The following JMJD1C variants were observed in gnomAD, a reference collection of about 807,000 sequenced individuals.
JMJD1C encodes jumonji domain-containing protein 1C.
In JMJD1C, 31 loss-of-function variants were observed where a neutral mutation model predicts 245.3. The ratio of observed to expected loss-of-function variants is 0.13; its 90% CI spans 0.09 to 0.17. The LOEUF is 0.17. Ranked by LOEUF, JMJD1C falls within the 10% of genes least tolerant of loss-of-function variation. The pLI is 1.00. For missense variants in JMJD1C, 2,691 were observed against 3,000.2 expected, an observed-to-expected ratio of 0.90 and a Z score of 2.41; for synonymous variants, 1,057 against 1,017.4, an observed-to-expected ratio of 1.04 and a Z score of -0.74.
intron 1 of JMJD1C, among the ~76,000 whole-genome samples, chr10:63,443,666 T>G (rs1037732505): frequency 6.6e-6 from 1 of 152,174 alleles, no homozygotes; most frequent in Non-Finnish European, 1.5e-5. Context: ...TTATAGAGGT[T>G]TGGTTACATA....
chr10:63,507,644 C>CCAAAAAAAAAA (rs1954759872), intron 1 of JMJD1C, among the ~76,000 whole-genome samples: 1 of 58,754 alleles, frequency 1.7e-5, no homozygotes, highest in African/African-American at 9.7e-5. Context: ...GACTCTGTCT[C>CCAAAAAAAAAA]AAAAAAAAAA....
intron 1 of JMJD1C, among the ~76,000 whole-genome samples, chr10:63,443,547 A>T (rs924936959): frequency 5.3e-5 from 8 of 152,154 alleles, no homozygotes; most frequent in African/African-American, 1.9e-4. Flanking sequence ...CTGAGCTCAA[A>T]GGCACCCACC....
intron 24 of JMJD1C, among the ~76,000 whole-genome samples, chr10:63,173,060 G>A (rs966535558): frequency 6.6e-6 from 1 of 151,888 alleles, no homozygotes; most frequent in Non-Finnish European, 1.5e-5. Flanking sequence ...AACAATGATT[G>A]CATCTGGAAA....
intron 1 of JMJD1C, chr10:63,521,447 C>A: frequency 1.5e-6 from 1 of 655,394 alleles, no homozygotes; most frequent in Non-Finnish European, 2.1e-6. Flanking sequence ...CCCCGGGGAG[C>A]GCGAGGAGCC....
rs545134190 is a variant in JMJD1C, at chr10:63,405,670, G to A, written c.169-25188C>T. On this transcript the variant is annotated intron_variant, in intron 1 of 25. Transcript: ENST00000399262. ...ACAGTACTTGACAATATGGATGGGAGACAAAAAAGCAAAAGATGTATTTTT... is the reference window on the plus strand; with the variant it reads ...ACAGTACTTGACAATATGGATGGGAAACAAAAAAGCAAAAGATGTATTTTT... 3.3e-5 allele frequency among the ~76,000 whole-genome samples: 5 copies of A among 152,172 alleles called. No individual in the cohort carries two copies. In the South Asian group the frequency reaches 1.0e-3, roughly 32 times the overall value.
intron 2 of JMJD1C, among the ~76,000 whole-genome samples, chr10:63,345,527 C>CAATCT (rs1943743814): frequency 6.7e-6 from 1 of 150,046 alleles, no homozygotes; most frequent in Non-Finnish European, 1.5e-5. Context: ...AACAAACTAC[C>CAATCT]AATCTATGGA....
chr10:63,282,797 A>G (rs1589380244), intron 2 of JMJD1C, among the ~76,000 whole-genome samples: 1 of 152,152 alleles, frequency 6.6e-6, no homozygotes, highest in African/African-American at 2.4e-5. Flanking sequence ...GCTCACTGCA[A>G]CCGCCGCCTC....
intron 2 of JMJD1C, among the ~76,000 whole-genome samples, chr10:63,332,493 T>A (rs1942263825): frequency 6.6e-6 from 1 of 152,170 alleles, no homozygotes; most frequent in South Asian, 2.1e-4. Flanking sequence ...GGTGCCAGAC[T>A]CAGTTTAACT....
chr10:63,476,828 G>A (rs1361243326), intron 1 of JMJD1C, among the ~76,000 whole-genome samples: 1 of 152,136 alleles, frequency 6.6e-6, no homozygotes, highest in African/African-American at 2.4e-5. Flanking sequence ...ACTTTGGGAG[G>A]GTGAGGCAAG....
rs1211813622 is a variant in JMJD1C at position 63,189,246 on chromosome 10, C to G, written c.6492G>C (p.Glu2164Asp). The change falls in exon 18 of 26, where the codon GAG (glutamate) becomes GAC (aspartate). Residue 2164 changes from glutamate to aspartate, a missense_variant. Transcript: ENST00000399262. ...YSDIPHSWICEKHILWLKDYK... is the reference protein window; with the variant it reads ...YSDIPHSWICDKHILWLKDYK... ...AATCCTTAAGCCATAAAATATGCTT[C>G]TCACAGATCCAAGAATGTGGTATAT... 1 of 1,612,892 alleles carries G rather than the reference C, an allele frequency of 6.2e-7. No individual in the cohort carries two copies. Among genetic ancestry groups the G allele is most frequent in the Non-Finnish European group, 8.5e-7 (1 of 1,179,070 alleles).
intron 2 of JMJD1C, among the ~76,000 whole-genome samples, chr10:63,279,515 G>A (rs772927841): frequency 6.6e-6 from 1 of 152,206 alleles, no homozygotes; most frequent in Non-Finnish European, 1.5e-5. Flanking sequence ...GAGGCCAAGG[G>A]CCAGGGGCTC....
At chr10:63,366,583 A>G (rs1945860145) in intron 2 of JMJD1C, among the ~76,000 whole-genome samples, 2 of 152,186 alleles carry the variant, frequency 1.3e-5, no homozygotes, top group South Asian at 4.1e-4. Context: ...GACTCACTGA[A>G]TGAAGAGAAA....
At chr10:63,481,448 T>A (rs1953826996) in intron 1 of JMJD1C, among the ~76,000 whole-genome samples, 1 of 152,192 alleles carries the variant, frequency 6.6e-6, no homozygotes, top group Non-Finnish European at 1.5e-5. Flanking sequence ...TTTTGCTTTT[T>A]TTTCCTTTTA....
At chr10:63,236,455 A>G (rs906043224) in intron 3 of JMJD1C, among the ~76,000 whole-genome samples, 2 of 152,186 alleles carry the variant, frequency 1.3e-5, no homozygotes, top group Non-Finnish European at 2.9e-5. Flanking sequence ...TACTTTTAAT[A>G]ATAGTTTTGA....
intron 3 of JMJD1C, among the ~76,000 whole-genome samples, chr10:63,234,637 T>G (rs1850494192): frequency 1.3e-5 from 2 of 151,752 alleles, no homozygotes; most frequent in African/African-American, 4.8e-5. Context: ...AACGAGTTAT[T>G]TAATGCAATA....
chr10:63,254,542 A>G (rs979801155), intron 3 of JMJD1C, among the ~76,000 whole-genome samples: 1 of 152,132 alleles, frequency 6.6e-6, no homozygotes, highest in African/African-American at 2.4e-5. Flanking sequence ...TAAAATTTTG[A>G]GTTCAGGTTT....
intron 2 of JMJD1C, among the ~76,000 whole-genome samples, chr10:63,347,093 CAG>C (rs1250965767): frequency 1.6e-5 from 2 of 126,846 alleles, no homozygotes; most frequent in East Asian, 4.7e-4. Context: ...TTTTTTGAGA[CAG>C]AGTCTCACTC....
intron 1 of JMJD1C, among the ~76,000 whole-genome samples, chr10:63,392,754 G>A (rs1948153303): frequency 6.7e-6 from 1 of 150,184 alleles, no homozygotes; most frequent in Non-Finnish European, 1.5e-5. Context: ...GAACACGGGA[G>A]GCAGAGGTTG....
intron 10 of JMJD1C, chr10:63,203,643 T>C (rs1215564557): frequency 1.0e-6 from 1 of 975,994 alleles, no homozygotes; most frequent in East Asian, 1.1e-4. Context: ...ACATAAAAAT[T>C]AGTGGAGAAA....
Sources: gnomAD v4.1 joint callset for allele counts (sites outside exome capture counted in the v4.1 genomes callset) on GRCh38, gnomAD v4.1.1 for gene constraint, MANE v1.5 for transcripts, NCBI Gene and HGNC (gene_info 2026-07-23, HGNC 2026-07-21) for gene names.